The following DOC2A variants were observed in gnomAD, a reference collection of about 807,000 sequenced individuals.
The protein encoded by DOC2A is double C2 domain alpha.
DOC2A carries 28 observed loss-of-function variants against 40.6 expected under a neutral mutation model. The observed-to-expected ratio is 0.69, with a 90% confidence interval of 0.51 to 0.95. The LOEUF (loss-of-function observed/expected upper bound fraction) is 0.95. Among genes scored for constraint, DOC2A ranks in the 40% least tolerant of loss-of-function variants. DOC2A has a pLI of 0.00. For synonymous variants in DOC2A, 241 were observed against 236.9 expected (o/e 1.02, Z -0.16); for missense variants, 474 against 552.5 (o/e 0.86, Z 1.42).
intron 5 of DOC2A, chr16:30,007,658 G>T: frequency 2.6e-6 from 1 of 383,140 alleles, no homozygotes. Context: ...TGGGCAGCCA[G>T]ACCAGTACCC....
In DOC2A at chr16:30,009,640, G is replaced by T; in HGVS notation, c.263-83C>A. ...CAGCAGGTGGGCACTGGCTCTGTGT[G>T]TCTCTCTCTCTTGCCAGCCCGCGAG... On this transcript the variant is annotated intron_variant, in intron 2 of 10. Coordinates refer to ENST00000350119, the MANE Select transcript of DOC2A (RefSeq NM_003586.3). The surrounding 1 kb of genome is among the most constrained non-coding windows in gnomAD (Gnocchi z 4.1). 7.9e-7 allele frequency: 1 copy of T among 1,261,090 alleles called. No homozygotes were observed. The highest frequency in any genetic ancestry group is 1.1e-6 in the Non-Finnish European group (1 of 892,004). 78.1% of individuals were successfully genotyped at this position (1,261,090 alleles called of 1,614,324 possible). A position where few individuals can be genotyped will look rare whatever the true frequency, so the allele number is the denominator to read the frequency against.
At chr16:30,007,672 G>A (rs1190306506) in intron 5 of DOC2A, 2 of 347,674 alleles carry the variant, frequency 5.8e-6, no homozygotes, top group Non-Finnish European at 1.1e-5. Context: ...AGTACCCCAC[G>A]CCTCCTCGGG....
chr16:30,009,631 G>T lies in DOC2A; in HGVS notation c.263-74C>A. The T allele has an allele frequency of 7.6e-7, 1 of 1,315,786 alleles. No homozygotes were observed. Among genetic ancestry groups the T allele is most frequent in the Non-Finnish European group, 1.1e-6 (1 of 940,872 alleles). The allele number at this position is 1,315,786 out of a possible 1,614,324, so 81.5% of individuals were successfully genotyped here. ...GCGAGAGGCCAGCAGGTGGGCACTG[G>T]CTCTGTGTGTCTCTCTCTCTTGCCA... On this transcript the variant is annotated intron_variant, in intron 2 of 10. Transcript: ENST00000350119. The surrounding 1 kb of genome is among the most constrained non-coding windows in gnomAD (Gnocchi z 4.1).
intron 1 of DOC2A, among the ~76,000 whole-genome samples, chr16:30,018,047 C>T (rs1360644378): frequency 6.8e-6 from 1 of 147,136 alleles, no homozygotes; most frequent in Admixed American, 6.9e-5. Flanking sequence ...AGGAGGATCC[C>T]TTGAGCCCCG....
At chr16:30,013,264 C>T (rs1232195484), upstream of DOC2A, among the ~76,000 whole-genome samples, 138 of 124,368 alleles carry the variant, frequency 1.1e-3, no homozygotes, top group Non-Finnish European at 1.8e-3. Context: ...CTTTTTTTTT[C>T]TTTTCTTTTT....
At chr16:30,013,024 C>T (rs1373614918), upstream of DOC2A, among the ~76,000 whole-genome samples, 1 of 151,186 alleles carries the variant, frequency 6.6e-6, no homozygotes, top group Admixed American at 6.6e-5. Flanking sequence ...AACAAAAAAC[C>T]CTGAGATATC....
At position 30,010,081 on chromosome 16, in the gene DOC2A, C is replaced by T. The variant is rs1140239; in HGVS notation, c.142G>A (p.Gly48Ser). The change falls in exon 2 of 11, where the codon GGC (glycine) becomes AGC (serine). Residue 48 changes from glycine to serine, a missense_variant. Transcript: ENST00000350119. This position sits in a 1 kb window ranked among gnomAD's most constrained non-coding sequence, Gnocchi z 4.2. ...AGATGGGCGGGGGCCTCCCCGCCGC[C>T]CCCGCCGCCCCCTTCAGGTCCTGGT... ...RGPGPEGGGG[G>S]GGEAPAHLVP... The T allele has an allele frequency of 0.38, 615,174 of 1,611,094 alleles. 120,510 individuals carry two copies. The highest frequency in any genetic ancestry group is 0.44 in the South Asian group (40,019 of 91,026).
intron 1 of DOC2A, among the ~76,000 whole-genome samples, chr16:30,020,953 T>C (rs1358026726): frequency 6.6e-6 from 1 of 151,650 alleles, no homozygotes; most frequent in Non-Finnish European, 1.5e-5. Flanking sequence ...GCCCAGGAGG[T>C]CGAGGCTGCA....
At chr16:30,016,044 TA>T (rs2070852195), upstream of DOC2A, among the ~76,000 whole-genome samples, 9 of 25,814 alleles carry the variant, frequency 3.5e-4, no homozygotes, top group African/African-American at 1.1e-3. Context: ...TATATATATA[TA>T]TATATATATA....
Position 30,009,425 on chromosome 16 carries a change from T to A in DOC2A, c.342+53A>T, listed in dbSNP as rs2070712635. On this transcript the variant is annotated intron_variant, in intron 3 of 10. Coordinates refer to ENST00000350119, the MANE Select transcript of DOC2A (RefSeq NM_003586.3). The surrounding 1 kb of genome is among the most constrained non-coding windows in gnomAD (Gnocchi z 4.1). ...GGAAGGGAAGGAGGAATGGGCCCCCTCTGGGGGCTGCACGCAAACCGGGCC... is the reference window on the plus strand; with the variant it reads ...GGAAGGGAAGGAGGAATGGGCCCCCACTGGGGGCTGCACGCAAACCGGGCC... 1 of 1,529,512 alleles carries A rather than the reference T, an allele frequency of 6.5e-7. No homozygotes were observed. The highest frequency in any genetic ancestry group is 8.9e-7 in the Non-Finnish European group (1 of 1,128,076). 94.7% of individuals were successfully genotyped at this position (1,529,512 alleles called of 1,614,324 possible). A position where few individuals can be genotyped will look rare whatever the true frequency, so the allele number is the denominator to read the frequency against.
upstream of DOC2A, among the ~76,000 whole-genome samples, chr16:30,021,872 C>G (rs1057044418): frequency 7.4e-5 from 11 of 148,776 alleles, no homozygotes; most frequent in Non-Finnish European, 1.3e-4. Context: ...AGAGAGGAAC[C>G]CCCCCCCCAG....
Position 30,009,046 on chromosome 16 carries a change from G to A in DOC2A, c.477C>T (p.Asp159=). 1.9e-6 allele frequency: 3 copies of A among 1,614,100 alleles called. No homozygotes were observed. Among genetic ancestry groups the A allele is most frequent in the Non-Finnish European group, 2.5e-6 (3 of 1,180,012 alleles). Residue 159 remains aspartate (D), a synonymous_variant, in exon 5 of 11, where the codon GAC becomes GAT. Transcript: ENST00000350119. This position sits in a 1 kb window ranked among gnomAD's most constrained non-coding sequence, Gnocchi z 4.1. ...RNTLNPVWNE[D]LTYSGITDDD... Reference sequence around the variant, plus strand: ...CATCTGTGATCCCGCTGTAAGTCAGGTCCTCATTCCACACGGGATTCAGTG... The same window carrying A: ...CATCTGTGATCCCGCTGTAAGTCAGATCCTCATTCCACACGGGATTCAGTG...
rs780781634 is a variant in DOC2A, at chr16:30,010,337, C to A, written c.-13-102G>T. 17 of 1,502,382 alleles carry A rather than the reference C, an allele frequency of 1.1e-5. No individual in the cohort carries two copies. The highest frequency in any genetic ancestry group is 1.6e-5 in the Non-Finnish European group (17 of 1,094,016). 93.1% of individuals were successfully genotyped at this position (1,502,382 alleles called of 1,614,324 possible). ...GTCTGTGGGGCCCTCACTGGCCTCC[C>A]TTCCTAGGTGTCGAGGGAGAGGGTG... On this transcript the variant is annotated intron_variant, in intron 1 of 10. Coordinates refer to ENST00000350119, the MANE Select transcript of DOC2A (RefSeq NM_003586.3). This position sits in a 1 kb window ranked among gnomAD's most constrained non-coding sequence, Gnocchi z 4.2.
At chr16:30,021,029 C>T (rs2070902587) in intron 1 of DOC2A, among the ~76,000 whole-genome samples, 1 of 152,106 alleles carries the variant, frequency 6.6e-6, no homozygotes, top group South Asian at 2.1e-4. Context: ...CAGCGCAGCA[C>T]AGGGGAAGCA....
Position 30,006,434 on chromosome 16 carries a change from C to T in DOC2A, c.1036G>A (p.Gly346Ser), listed in dbSNP as rs2070592698. ...LEVTVWDYDI[G>S]KSNDFIGGVS... is the part of the protein sequence containing the mutation. ...TCACCAATGAAGTCATTGGATTTGC[C>T]AATGTCATAGTCCCAGACGGTGACT... is the stretch of plus-strand genomic sequence containing the variant. Residue 346 changes from glycine to serine, a missense_variant, in exon 10 of 11, where the codon GGC becomes AGC. Physicochemically the swap from Gly to Ser is moderately conservative, Grantham distance 56 (BLOSUM62 0). Transcript: ENST00000350119. The surrounding 1 kb of genome is among the most constrained non-coding windows in gnomAD (Gnocchi z 6.2). 6.2e-7 allele frequency: 1 copy of T among 1,613,692 alleles called. No individual in the cohort carries two copies. Among genetic ancestry groups the T allele is most frequent in the South Asian group, 1.1e-5 (1 of 91,046 alleles).
chr16:30,010,150 G>GCC lies in DOC2A; in HGVS notation c.71_72dup (p.Pro25GlyfsTer67). ...GAGATCTGGCGGATGGGCCGGATGG[G>GCC]CCCGGGGCACACGTTGATGGCCATG... is the stretch of plus-strand genomic sequence containing the variant. On this transcript the variant is annotated frameshift_variant, in exon 2 of 11. Transcript: ENST00000350119. LOFTEE classifies it high-confidence loss of function. This position sits in a 1 kb window ranked among gnomAD's most constrained non-coding sequence, Gnocchi z 4.2. 1 of 1,613,986 alleles carries GCC rather than the reference G, an allele frequency of 6.2e-7. No homozygotes were observed.
upstream of DOC2A, chr16:30,023,228 TG>T: frequency 4.6e-6 from 4 of 875,218 alleles, no homozygotes; most frequent in South Asian, 5.9e-5. Context: ...CTGATGAGAG[TG>T]AGGGATGGGG....
At position 30,005,517 on chromosome 16, in the gene DOC2A, C is replaced by T. The variant is rs1288116382; in HGVS notation, c.*669G>A. On this transcript the variant is annotated 3_prime_UTR_variant, in exon 11 of 11. Coordinates refer to ENST00000350119, the MANE Select transcript of DOC2A (RefSeq NM_003586.3). ...TGCCAGCACACACGAGTCCAGCTTC[C>T]TCGGAGGTGTTTATTGATGCCCAGC... The T allele has an allele frequency of 2.2e-6, 3 of 1,387,810 alleles. No homozygotes were observed. Among genetic ancestry groups the T allele is most frequent in the Non-Finnish European group, 3.0e-6 (3 of 1,006,434 alleles). The allele number at this position is 1,387,810 out of a possible 1,614,324, so 86.0% of individuals were successfully genotyped here. A position where few individuals can be genotyped will look rare whatever the true frequency, so the allele number is the denominator to read the frequency against.
At position 30,009,384 on chromosome 16, in the gene DOC2A, C is replaced by G. The variant is rs780869467; in HGVS notation, c.342+94G>C. ...CCAGAAGGAGGGGGCAAGGGCAGGA[C>G]GAAGGAGCAGGCCTGGGAAGGGAAG... is the stretch of plus-strand genomic sequence containing the variant. On this transcript the variant is annotated intron_variant, in intron 3 of 10. Transcript: ENST00000350119. The surrounding 1 kb of genome is among the most constrained non-coding windows in gnomAD (Gnocchi z 4.1). The G allele has an allele frequency of 6.7e-7, 1 of 1,494,246 alleles. No homozygotes were observed. Among genetic ancestry groups the G allele is most frequent in the Non-Finnish European group, 9.1e-7 (1 of 1,096,348 alleles). 92.6% of individuals were successfully genotyped at this position (1,494,246 alleles called of 1,614,324 possible).
Sources: gnomAD v4.1 joint callset for allele counts (sites outside exome capture counted in the v4.1 genomes callset) on GRCh38, gnomAD v4.1.1 for gene constraint, Gnocchi (gnomAD v3.1) non-coding constraint, MANE v1.5 for transcripts, NCBI Gene and HGNC (gene_info 2026-07-23, HGNC 2026-07-21) for gene names.